Variants in UST observed in about 807,000 individuals in gnomAD.
UST encodes uronyl 2-sulfotransferase.
Under a neutral mutation model 45.6 loss-of-function variants are expected in UST, and 21 were observed. That is an observed-to-expected ratio of 0.46 (90% CI 0.33 to 0.66). The LOEUF (loss-of-function observed/expected upper bound fraction) is 0.66, where lower values mean the gene tolerates loss of function less well. Ranked by LOEUF, UST falls within the 30% of genes least tolerant of loss-of-function variation. UST has a pLI of 0.02. For missense variants in UST, 463 were observed against 512.4 expected (o/e 0.90, Z 0.93); for synonymous variants, 215 against 200.6 (o/e 1.07, Z -0.61).
intron 5 of UST, among the ~76,000 whole-genome samples, chr6:149,002,049 C>T (rs1312987426): frequency 6.6e-6 from 1 of 152,004 alleles, no homozygotes; most frequent in Non-Finnish European, 1.5e-5. Flanking sequence ...AAATTCTTTG[C>T]CCTTCCTCAG....
intron 1 of UST, among the ~76,000 whole-genome samples, chr6:148,842,989 T>C (rs1777917059): frequency 6.6e-6 from 1 of 152,258 alleles, no homozygotes; most frequent in African/African-American, 2.4e-5. Flanking sequence ...AATGAAATTT[T>C]GCAACCCTAA....
At chr6:148,795,139 G>A (rs1252250204) in intron 1 of UST, among the ~76,000 whole-genome samples, 1 of 152,200 alleles carries the variant, frequency 6.6e-6, no homozygotes, top group Non-Finnish European at 1.5e-5. Flanking sequence ...TTTGTACTAT[G>A]TTTTTCATCA....
At chr6:148,954,486 T>A in intron 4 of UST, among the ~76,000 whole-genome samples, 1 of 152,214 alleles carries the variant, frequency 6.6e-6, no homozygotes, top group African/African-American at 2.4e-5. Context: ...CCATATCTTT[T>A]CTATGTTTAG....
At chr6:149,057,743 GGTTA>G (rs1776588420) in intron 7 of UST, among the ~76,000 whole-genome samples, 1 of 152,158 alleles carries the variant, frequency 6.6e-6, no homozygotes, top group Non-Finnish European at 1.5e-5. Context: ...AAATGGTCAT[GGTTA>G]GTTAAATTTT....
chr6:148,972,189 T>A (rs112410035), intron 5 of UST, among the ~76,000 whole-genome samples: 120 of 152,244 alleles, frequency 7.9e-4, no homozygotes, highest in African/African-American at 2.6e-3. Flanking sequence ...TTGGCTGGGA[T>A]GTGTTAAATT....
chr6:148,824,680 T>TC (rs1432130810), intron 1 of UST, among the ~76,000 whole-genome samples: 1 of 150,404 alleles, frequency 6.6e-6, no homozygotes, highest in Non-Finnish European at 1.5e-5. Flanking sequence ...CTTTCTTTTT[T>TC]TTTTTTTTTT....
chr6:148,772,732 C>T (rs1001854062), intron 1 of UST, among the ~76,000 whole-genome samples: 35 of 152,212 alleles, frequency 2.3e-4, no homozygotes, highest in African/African-American at 8.2e-4. Flanking sequence ...CCCTTCTGAG[C>T]TTTCAGTGTT....
intron 1 of UST, among the ~76,000 whole-genome samples, chr6:148,875,915 GATAAGTGCTGCACACATT>G (rs1778641935): frequency 6.6e-6 from 1 of 152,212 alleles, no homozygotes; most frequent in African/African-American, 2.4e-5. Flanking sequence ...CAGGCAGTGT[GATAAGTGCTGCACACATT>G]TAATACATCT....
At chr6:148,759,387 C>T (rs1200969348) in intron 1 of UST, among the ~76,000 whole-genome samples, 1 of 150,910 alleles carries the variant, frequency 6.6e-6, no homozygotes, top group African/African-American at 2.4e-5. Flanking sequence ...ATTAGCCGGG[C>T]GTGGTCGCGG....
chr6:148,865,005 G>A (rs542839811), intron 1 of UST, among the ~76,000 whole-genome samples: 8 of 152,260 alleles, frequency 5.3e-5, no homozygotes, highest in African/African-American at 7.2e-5. Context: ...CTCAAAATGC[G>A]ACTTTGTACT....
At chr6:148,948,356 G>T (rs1780290806) in intron 3 of UST, among the ~76,000 whole-genome samples, 2 of 152,232 alleles carry the variant, frequency 1.3e-5, no homozygotes, top group African/African-American at 4.8e-5. Flanking sequence ...AACCACGTAG[G>T]GTTAGATACC....
intron 1 of UST, among the ~76,000 whole-genome samples, chr6:148,764,981 T>A (rs1776294563): frequency 6.6e-6 from 1 of 152,208 alleles, no homozygotes; most frequent in African/African-American, 2.4e-5. Flanking sequence ...GCACCCATTT[T>A]AGAGGCCCCG....
intron 5 of UST, among the ~76,000 whole-genome samples, chr6:148,970,046 A>T (rs1780884018): frequency 6.6e-6 from 1 of 152,250 alleles, no homozygotes; most frequent in Admixed American, 6.5e-5. Context: ...AGGAGCATGG[A>T]GGACCAGGAA....
At chr6:148,820,382 A>C (rs1169640571) in intron 1 of UST, among the ~76,000 whole-genome samples, 2 of 152,182 alleles carry the variant, frequency 1.3e-5, no homozygotes, top group East Asian at 3.8e-4. Context: ...ACTATATGAA[A>C]GTTGGTTGTT....
intron 1 of UST, among the ~76,000 whole-genome samples, chr6:148,774,270 T>TTATA (rs10568450): frequency 1.6e-3 from 207 of 127,822 alleles, no homozygotes; most frequent in South Asian, 3.2e-3. Context: ...CAAGGTTATT[T>TTATA]TATATATATA....
intron 2 of UST, among the ~76,000 whole-genome samples, chr6:148,899,956 A>G (rs576843328): frequency 4.1e-4 from 63 of 152,178 alleles, no homozygotes; most frequent in African/African-American, 1.4e-3. Context: ...TATTGGGGCT[A>G]AATCAATGCC....
chr6:148,791,912 G>A (rs925131858), intron 1 of UST, among the ~76,000 whole-genome samples: 1 of 152,142 alleles, frequency 6.6e-6, no homozygotes, highest in South Asian at 2.1e-4. Flanking sequence ...CATGATGCAG[G>A]ATGCTGTATC....
At chr6:148,812,933 T>A (rs1257554668) in intron 1 of UST, among the ~76,000 whole-genome samples, 1 of 152,162 alleles carries the variant, frequency 6.6e-6, no homozygotes, top group Non-Finnish European at 1.5e-5. Flanking sequence ...TTCCTTTTTA[T>A]TGGTAAATGA....
At chr6:148,993,251 A>G (rs1781388494) in intron 5 of UST, among the ~76,000 whole-genome samples, 1 of 152,182 alleles carries the variant, frequency 6.6e-6, no homozygotes, top group Non-Finnish European at 1.5e-5. Flanking sequence ...AGCTAAATAC[A>G]CAATCTTCCT....
Sources: gnomAD v4.1 joint callset for allele counts (sites outside exome capture counted in the v4.1 genomes callset) on GRCh38, gnomAD v4.1.1 for gene constraint, MANE v1.5 for transcripts, NCBI Gene and HGNC (gene_info 2026-07-23, HGNC 2026-07-21) for gene names.